Variants in DENND4A observed in about 807,000 individuals in gnomAD.
DENND4A encodes the protein DENN domain containing 4A.
DENND4A carries 70 observed loss-of-function variants against 199.3 expected under a neutral mutation model. That is an observed-to-expected ratio of 0.35 (90% CI 0.29 to 0.43). The LOEUF is 0.43. DENND4A is among the 20% of genes least tolerant of loss of function. The pLI is 1.00. For missense variants in DENND4A, 1,723 were observed against 2,255.8 expected (o/e 0.76, Z 4.78); for synonymous variants, 686 against 766.9 (o/e 0.89, Z 1.74).
intron 14 of DENND4A, among the ~76,000 whole-genome samples, chr15:65,710,433 G>T (rs2075211065): frequency 6.6e-6 from 1 of 152,064 alleles, no homozygotes; most frequent in Non-Finnish European, 1.5e-5. Context: ...ATTCAGTAAG[G>T]TTTGCACAAG....
intron 8 of DENND4A, 137 bp from the exon 9 acceptor site, chr15:65,731,837 G>T: frequency 1.7e-6 from 1 of 577,804 alleles, no homozygotes; most frequent in Non-Finnish European, 3.0e-6. Context: ...AGAACACTTT[G>T]TATCACTCAC....
chr15:65,731,833 C>T (rs2075970625), intron 8 of DENND4A, 133 bp from the exon 9 acceptor site: 1 of 584,620 alleles, frequency 1.7e-6, no homozygotes, highest in Non-Finnish European at 2.9e-6. Context: ...TATCAGAACA[C>T]TTTGTATCAC....
chr15:65,740,913 A>G (rs1386833811), intron 5 of DENND4A, among the ~76,000 whole-genome samples: 1 of 152,096 alleles, frequency 6.6e-6, no homozygotes, highest in Non-Finnish European at 1.5e-5. Context: ...AGTGAGCTAC[A>G]ATCATACCAC....
intron 25 of DENND4A, among the ~76,000 whole-genome samples, chr15:65,670,904 T>C (rs2076196420): frequency 6.6e-6 from 1 of 152,210 alleles, no homozygotes; most frequent in Non-Finnish European, 1.5e-5. Flanking sequence ...TAACATAAAA[T>C]AGCAACCATA....
At chr15:65,779,597 C>T (rs943631869) in intron 1 of DENND4A, among the ~76,000 whole-genome samples, 1 of 152,116 alleles carries the variant, frequency 6.6e-6, no homozygotes, top group African/African-American at 2.4e-5. Context: ...TCAAGTGATC[C>T]TCCCACCTCA....
At chr15:65,693,117 CACAT>C (rs1348168798) in intron 22 of DENND4A, among the ~76,000 whole-genome samples, 1 of 152,212 alleles carries the variant, frequency 6.6e-6, no homozygotes, top group Non-Finnish European at 1.5e-5. Flanking sequence ...TGCTAAATTA[CACAT>C]GCTAGGCTGG....
At chr15:65,679,983 C>A (rs747421356) in intron 23 of DENND4A, among the ~76,000 whole-genome samples, 11 of 152,162 alleles carry the variant, frequency 7.2e-5, no homozygotes, top group Non-Finnish European at 1.5e-4. Flanking sequence ...TACTTTCTTT[C>A]TCATCTCAAT....
intron 24 of DENND4A, among the ~76,000 whole-genome samples, chr15:65,673,785 C>T (rs2076289085): frequency 1.3e-5 from 2 of 152,108 alleles, no homozygotes; most frequent in African/African-American, 4.8e-5. Flanking sequence ...TGCTTCTTCC[C>T]AAAAACCTTC....
intron 23 of DENND4A, among the ~76,000 whole-genome samples, chr15:65,683,475 T>C (rs2076650920): frequency 6.6e-6 from 1 of 152,228 alleles, no homozygotes; most frequent in African/African-American, 2.4e-5. Flanking sequence ...CCATAAATCA[T>C]TAATTTTAAA....
intron 12 of DENND4A, among the ~76,000 whole-genome samples, chr15:65,720,690 G>C (rs1173936174): frequency 6.6e-6 from 1 of 151,566 alleles, no homozygotes; most frequent in African/African-American, 2.4e-5. Flanking sequence ...GGGATTACAG[G>C]TATGAGCCAC....
intron 3 of DENND4A, among the ~76,000 whole-genome samples, chr15:65,755,036 G>A (rs1179866806): frequency 2.0e-5 from 3 of 152,182 alleles, no homozygotes; most frequent in Admixed American, 1.3e-4. Flanking sequence ...ATAAACTGTG[G>A]TATACCCATA....
chr15:65,670,333 T>TA (rs1338030479), intron 25 of DENND4A, 145 bp from the exon 26 acceptor site: 7 of 615,712 alleles, frequency 1.1e-5, no homozygotes, highest in Non-Finnish European at 1.7e-5. Context: ...CATCAGTGTA[T>TA]TATATACTAT....
At chr15:65,692,706 A>G (rs2077015020) in intron 22 of DENND4A, among the ~76,000 whole-genome samples, 1 of 152,186 alleles carries the variant, frequency 6.6e-6, no homozygotes, top group African/African-American at 2.4e-5. Context: ...GACATAGGAA[A>G]TCAAGAACAC....
At chr15:65,737,576 G>A (rs2076150903) in intron 7 of DENND4A, 131 bp downstream of exon 7, 2 of 932,970 alleles carry the variant, frequency 2.1e-6, no homozygotes, top group Non-Finnish European at 3.1e-6. Context: ...CTACCTGACT[G>A]AAATAAACCA....
intron 12 of DENND4A, among the ~76,000 whole-genome samples, chr15:65,720,981 A>ATATATATT (rs2075618878): frequency 2.6e-5 from 3 of 113,244 alleles, no homozygotes; most frequent in Admixed American, 9.0e-5. Context: ...ATATATATAT[A>ATATATATT]TTTGTACTTT....
At chr15:65,724,850 T>C (rs2075756158) in intron 11 of DENND4A, among the ~76,000 whole-genome samples, 3 of 152,212 alleles carry the variant, frequency 2.0e-5, no homozygotes, top group Admixed American at 1.3e-4. Context: ...CCACTGTGTC[T>C]TACCATTCAC....
At chr15:65,711,144 G>T (rs757849209) in intron 14 of DENND4A, among the ~76,000 whole-genome samples, 1 of 152,164 alleles carries the variant, frequency 6.6e-6, no homozygotes, top group African/African-American at 2.4e-5. Context: ...TGAAAAACAA[G>T]TTCTTGGTAT....
intron 11 of DENND4A, among the ~76,000 whole-genome samples, chr15:65,725,167 T>C (rs916380889): frequency 2.0e-5 from 3 of 152,128 alleles, no homozygotes; most frequent in African/African-American, 7.2e-5. Context: ...TATGAGTAAA[T>C]GTATATTTAC....
At chr15:65,778,967 T>C (rs1200230323) in intron 1 of DENND4A, among the ~76,000 whole-genome samples, 6 of 151,292 alleles carry the variant, frequency 4.0e-5, no homozygotes, top group Admixed American at 3.9e-4. Context: ...CTGACTGCTA[T>C]AAAAAGGATT....
Sources: gnomAD v4.1 joint callset for allele counts (sites outside exome capture counted in the v4.1 genomes callset) on GRCh38, gnomAD v4.1.1 for gene constraint, MANE v1.5 for transcripts, NCBI Gene and HGNC (gene_info 2026-07-23, HGNC 2026-07-21) for gene names.